Variants in MAGI2 observed in about 807,000 individuals in gnomAD.
The protein encoded by MAGI2 is membrane-associated guanylate kinase, WW and PDZ domain-containing protein 2.
MAGI2 carries 35 observed loss-of-function variants against 133.3 expected under a neutral mutation model. That is an observed-to-expected ratio of 0.26 (90% CI 0.20 to 0.35). MAGI2 has a LOEUF of 0.35. Ranked by LOEUF, MAGI2 falls within the 10% of genes least tolerant of loss-of-function variation. The pLI is 1.00. For missense variants in MAGI2, 1,636 were observed against 1,863.4 expected (o/e 0.88, Z 2.25); for synonymous variants, 729 against 710.6 (o/e 1.03, Z -0.41).
intron 1 of MAGI2, among the ~76,000 whole-genome samples, chr7:79,164,201 T>A (rs1246611012): frequency 6.6e-6 from 1 of 152,028 alleles, no homozygotes; most frequent in Admixed American, 6.6e-5. Context: ...CCCAAATTCC[T>A]ATGTAAGGGG....
At chr7:79,238,879 A>G (rs1832152555) in intron 1 of MAGI2, among the ~76,000 whole-genome samples, 2 of 152,182 alleles carry the variant, frequency 1.3e-5, no homozygotes, top group South Asian at 4.1e-4. Context: ...ATAGAGGTTC[A>G]TCTCTCTCAA....
chr7:78,774,308 G>C (rs1197896604), intron 2 of MAGI2, among the ~76,000 whole-genome samples: 1 of 152,182 alleles, frequency 6.6e-6, no homozygotes, highest in Non-Finnish European at 1.5e-5. Flanking sequence ...GAGGATATTT[G>C]GGTGAAACAA....
chr7:78,484,823 G>C (rs1411450107), intron 6 of MAGI2: 2 of 151,952 alleles, frequency 1.3e-5, no homozygotes, highest in Non-Finnish European at 2.9e-5. Context: ...GCATGAAAGA[G>C]GTACAACTCC....
chr7:78,038,319 C>CT (rs1810446569), intron 21 of MAGI2, among the ~76,000 whole-genome samples: 6 of 152,060 alleles, frequency 3.9e-5, no homozygotes, highest in African/African-American at 1.4e-4. Flanking sequence ...ATGAATATGG[C>CT]GTATGTGTAT....
intron 11 of MAGI2, among the ~76,000 whole-genome samples, chr7:78,199,245 G>T (rs189517595): frequency 6.6e-6 from 1 of 152,214 alleles, no homozygotes; most frequent in South Asian, 2.1e-4. Flanking sequence ...CAGAGGACAG[G>T]TGTATAAACC....
At chr7:78,358,079 C>T (rs1280146666) in intron 7 of MAGI2, among the ~76,000 whole-genome samples, 7 of 136,982 alleles carry the variant, frequency 5.1e-5, no homozygotes, top group Non-Finnish European at 9.1e-5. Context: ...CTGGGCTGGG[C>T]GTGATCCTGG....
At chr7:79,171,770 A>ATATATTTTTTTTTTTTTTTT in intron 1 of MAGI2, among the ~76,000 whole-genome samples, 6 of 31,204 alleles carry the variant, frequency 1.9e-4, no homozygotes, top group Non-Finnish European at 4.4e-4. Flanking sequence ...ATATATATAT[A>ATATATTTTTTTTTTTTTTTT]TTTTTTTTTT....
intron 9 of MAGI2, among the ~76,000 whole-genome samples, chr7:78,275,419 T>C (rs1363612883): frequency 6.6e-6 from 1 of 152,176 alleles, no homozygotes; most frequent in Admixed American, 6.5e-5. Context: ...TGATACTTTA[T>C]CTTGACATAA....
intron 12 of MAGI2, among the ~76,000 whole-genome samples, chr7:78,187,652 G>T (rs965167953): frequency 6.6e-6 from 1 of 152,120 alleles, no homozygotes; most frequent in Non-Finnish European, 1.5e-5. Flanking sequence ...CCCAGTAAAG[G>T]CAAATTAGCT....
rs141533280 is a variant in MAGI2 at position 78,078,966 on chromosome 7, C to T, written c.3687G>A (p.Thr1229=). The T allele has an allele frequency of 4.4e-5, 71 of 1,613,546 alleles. No individual in the cohort carries two copies. Among genetic ancestry groups the T allele is most frequent in the Middle Eastern group, 3.3e-4 (2 of 6,082 alleles). Residue 1229 remains threonine (T), a synonymous_variant, in exon 21 of 22, where the codon ACG becomes ACA. Coordinates refer to ENST00000354212, the MANE Select transcript of MAGI2 (RefSeq NM_012301.4). The part of the protein sequence containing the change: ...RRVRLLLKRG[T]GQVPEYDEPA... ...ACGTACCATATTCTGGGACCTGTCCCGTGCCTCTCTTGAGCAGCAGCCTCA... is the reference window on the plus strand; with the variant it reads ...ACGTACCATATTCTGGGACCTGTCCTGTGCCTCTCTTGAGCAGCAGCCTCA...
intron 1 of MAGI2, among the ~76,000 whole-genome samples, chr7:79,267,173 G>A (rs1834530213): frequency 6.6e-6 from 1 of 152,150 alleles, no homozygotes; most frequent in Non-Finnish European, 1.5e-5. Context: ...AGCCAATGGG[G>A]AGCTCAGGTC....
chr7:79,026,733 G>T (rs1309201092), intron 1 of MAGI2, among the ~76,000 whole-genome samples: 1 of 151,962 alleles, frequency 6.6e-6, no homozygotes, highest in Non-Finnish European at 1.5e-5. Flanking sequence ...ACTTAGTCCG[G>T]TGTGTTGGTG....
chr7:78,026,273 T>TA (rs1162981490), intron 21 of MAGI2, among the ~76,000 whole-genome samples: 2 of 152,168 alleles, frequency 1.3e-5, no homozygotes, highest in Admixed American at 6.5e-5. Flanking sequence ...ATGCCAGAAA[T>TA]AAAAAATCTC....
chr7:79,137,900 G>C (rs867349891), intron 1 of MAGI2, among the ~76,000 whole-genome samples: 1 of 152,068 alleles, frequency 6.6e-6, no homozygotes, highest in South Asian at 2.1e-4. Flanking sequence ...TTGTTAAATT[G>C]AGACTCTTTA....
intron 6 of MAGI2, among the ~76,000 whole-genome samples, chr7:78,454,928 G>A (rs1338702581): frequency 1.3e-5 from 2 of 152,114 alleles, no homozygotes; most frequent in African/African-American, 4.8e-5. Context: ...ATGAACGGGT[G>A]GAGCACAGGG....
intron 1 of MAGI2, among the ~76,000 whole-genome samples, chr7:79,424,824 T>C (rs1415676906): frequency 6.6e-6 from 1 of 152,204 alleles, no homozygotes; most frequent in Non-Finnish European, 1.5e-5. Flanking sequence ...TTATTCCTCA[T>C]GTCACAGTCT....
At chr7:78,688,936 C>T (rs571662989) in intron 2 of MAGI2, among the ~76,000 whole-genome samples, 1 of 152,122 alleles carries the variant, frequency 6.6e-6, no homozygotes, top group Admixed American at 6.5e-5. Flanking sequence ...CAATAGAAGT[C>T]TATGAAAATA....
chr7:78,242,647 TG>T (rs1263084417), intron 10 of MAGI2, among the ~76,000 whole-genome samples: 1 of 152,226 alleles, frequency 6.6e-6, no homozygotes, highest in Non-Finnish European at 1.5e-5. Context: ...AAATACCTGG[TG>T]CTTTTCTCTC....
At chr7:78,242,410 G>A (rs1324466702) in intron 10 of MAGI2, among the ~76,000 whole-genome samples, 5 of 152,222 alleles carry the variant, frequency 3.3e-5, no homozygotes, top group African/African-American at 1.2e-4. Flanking sequence ...TTATGTGAGT[G>A]AGAAATAAAC....
Sources: allele counts gnomAD v4.1 joint callset (sites outside exome capture counted in the v4.1 genomes callset), GRCh38; gene constraint gnomAD v4.1.1; transcripts MANE v1.5; gene names NCBI Gene and HGNC (gene_info 2026-07-23, HGNC 2026-07-21).